The following SCN9A variants were observed in gnomAD, a reference collection of about 807,000 sequenced individuals.
SCN9A encodes the protein sodium channel protein type 9 subunit alpha.
Under a neutral mutation model 187.0 loss-of-function variants are expected in SCN9A, and 131 were observed. The observed-to-expected ratio is 0.70, with a 90% CI of 0.61 to 0.81. The LOEUF is 0.81. SCN9A is among the 30% of genes least tolerant of loss of function. SCN9A has a pLI of 0.00. For synonymous variants in SCN9A, 809 were observed against 808.6 expected (o/e 1.00, Z -0.01); for missense variants, 2,252 against 2,396.6 (o/e 0.94, Z 1.26).
intron 18 of SCN9A, among the ~76,000 whole-genome samples, chr2:166,245,057 G>A (rs1488988391): frequency 6.6e-6 from 1 of 152,012 alleles, no homozygotes; most frequent in Non-Finnish European, 1.5e-5. Flanking sequence ...TGATGAATGA[G>A]TAAAGTTCTG....
In SCN9A at chr2:166,357,461, T is replaced by C. The variant is rs57275972; in HGVS notation, c.-51+18236A>G. Among the ~76,000 whole-genome samples, 1,430 of 152,228 alleles carry C rather than the reference T, an allele frequency of 9.4e-3. 24 individuals are homozygous for C. The highest frequency in any genetic ancestry group is 0.031 in the African/African-American group (1,301 of 41,532). ...CAGCTGAGATTGCTTAGAACCAAGA[T>C]AGTTGACTAAAGGACTTCAAGAAGA... On this transcript the variant is annotated intron_variant, in intron 1 of 26. Coordinates refer to ENST00000642356, the MANE Select transcript of SCN9A (RefSeq NM_001365536.1).
intron 18 of SCN9A, among the ~76,000 whole-genome samples, chr2:166,246,577 A>T (rs183536168): frequency 6.6e-6 from 1 of 152,152 alleles, no homozygotes; most frequent in Non-Finnish European, 1.5e-5. Flanking sequence ...AATGAGATGA[A>T]TTTTTTAATA....
intron 1 of SCN9A, among the ~76,000 whole-genome samples, chr2:166,315,129 A>G (rs1699077014): frequency 6.6e-6 from 1 of 152,226 alleles, no homozygotes; most frequent in African/African-American, 2.4e-5. Flanking sequence ...AGATTCCTCA[A>G]CACTTTTGGA....
intron 1 of SCN9A, among the ~76,000 whole-genome samples, chr2:166,330,848 C>T (rs1699484701): frequency 6.6e-6 from 1 of 152,142 alleles, no homozygotes; most frequent in Non-Finnish European, 1.5e-5. Context: ...CTGCTCACCT[C>T]CTGCTGTGCA....
In SCN9A at chr2:166,227,285, T is replaced by C. The variant is rs139755580; in HGVS notation, c.4260+385A>G. 9.7e-3 allele frequency among the ~76,000 whole-genome samples: 1,483 copies of C among 152,298 alleles called. 28 individuals are homozygous for C. The highest frequency in any genetic ancestry group is 0.033 in the African/African-American group (1,369 of 41,558). On this transcript the variant is annotated intron_variant, in intron 23 of 26. Transcript: ENST00000642356. ...CGCATATTTACTGAGCATTTAGTAA[T>C]GCCAGCCTGCACTAAGTGCCCTGCT...
chr2:166,198,828 A>G lies in SCN9A; in HGVS notation c.5811T>C (p.Val1937=). 4 of 1,613,454 alleles carry G rather than the reference A, an allele frequency of 2.5e-6. No individual in the cohort carries two copies. The highest frequency in any genetic ancestry group is 3.4e-6 in the Non-Finnish European group (4 of 1,179,550). The stretch of plus-strand genomic sequence containing the variant: ...TTTTTTCTGGACTTGAGTTCTCATT[A>G]ACATTATCAAAAGCCATATCTTTTT... ...LNKKDMAFDN[V]NENSSPEKTD... is the part of the protein sequence containing the mutation. Residue 1937 remains valine, a synonymous_variant, in exon 27 of 27, where the codon GTT becomes GTC. Coordinates refer to ENST00000642356, the MANE Select transcript of SCN9A (RefSeq NM_001365536.1).
At chr2:166,305,120 G>A (rs1354315139) in intron 5 of SCN9A, among the ~76,000 whole-genome samples, 1 of 152,010 alleles carries the variant, frequency 6.6e-6, no homozygotes, top group African/African-American at 2.4e-5. Flanking sequence ...TGTCTAGGTG[G>A]CTCCAGTGAA....
At chr2:166,286,722 G>T in intron 10 of SCN9A, 99 bp from the exon 11 acceptor site, 1 of 853,718 alleles carries the variant, frequency 1.2e-6, no homozygotes, top group Non-Finnish European at 1.7e-6. Context: ...ACAACATGGT[G>T]CATATAATCA....
Position 166,325,041 on chromosome 2 carries a change from A to G in SCN9A, c.-50-13235T>C, listed in dbSNP as rs139562000. Among the ~76,000 whole-genome samples the G allele has an allele frequency of 6.2e-3, 937 of 152,296 alleles. 8 individuals carry two copies. Among genetic ancestry groups the G allele is most frequent in the African/African-American group, 0.021 (872 of 41,572 alleles). On this transcript the variant is annotated intron_variant, in intron 1 of 26. Coordinates refer to ENST00000642356, the MANE Select transcript of SCN9A (RefSeq NM_001365536.1). ...CATACTAATATAAACTGTTAATAAC[A>G]GGGGAAACTGGATGTGGGGTATATT...
At chr2:166,320,040 A>G (rs1049578942) in intron 1 of SCN9A, among the ~76,000 whole-genome samples, 2 of 152,184 alleles carry the variant, frequency 1.3e-5, no homozygotes, top group Non-Finnish European at 2.9e-5. Flanking sequence ...AATAAAATAA[A>G]TTCCTCATTT....
intron 2 of SCN9A, among the ~76,000 whole-genome samples, chr2:166,309,226 A>T (rs1574910248): frequency 6.6e-6 from 1 of 152,118 alleles, no homozygotes; most frequent in African/African-American, 2.4e-5. Context: ...AACATACTAC[A>T]TAGTATTGGC....
intron 1 of SCN9A, among the ~76,000 whole-genome samples, chr2:166,370,043 C>T (rs866502086): frequency 2.6e-5 from 4 of 151,788 alleles, no homozygotes; most frequent in African/African-American, 7.3e-5. Context: ...TGAATATCTA[C>T]ATTTACTTCT....
chr2:166,201,530 A>C (rs1366247156), intron 26 of SCN9A, among the ~76,000 whole-genome samples: 1 of 20,410 alleles, frequency 4.9e-5, no homozygotes, highest in Non-Finnish European at 7.7e-5. Context: ...TATAGTATAG[A>C]GTATGCGTAT....
chr2:166,205,863 A>C (rs1219586115), intron 24 of SCN9A, among the ~76,000 whole-genome samples: 1 of 152,238 alleles, frequency 6.6e-6, no homozygotes, highest in Non-Finnish European at 1.5e-5. Context: ...GGATATGAAC[A>C]GGTACTTCTC....
At chr2:166,316,173 T>C (rs572354221) in intron 1 of SCN9A, among the ~76,000 whole-genome samples, 2 of 152,284 alleles carry the variant, frequency 1.3e-5, no homozygotes, top group South Asian at 2.1e-4. Flanking sequence ...GATATTAATA[T>C]ATCTCATAAA....
chr2:166,282,543 T>C (rs1697536213), intron 12 of SCN9A, among the ~76,000 whole-genome samples: 1 of 152,150 alleles, frequency 6.6e-6, no homozygotes, highest in African/African-American at 2.4e-5. Flanking sequence ...TAAAACACTA[T>C]GTTGGTTCCA....
chr2:166,273,051 T>G lies in SCN9A; in HGVS notation c.2875-176A>C, dbSNP rs1697074558. 5.3e-5 allele frequency among the ~76,000 whole-genome samples: 8 copies of G among 152,030 alleles called. No individual in the cohort carries two copies. The South Asian group carries it at 1.7e-3, about 32-fold the overall frequency. ...GAGAGAGACAGAGGCGAGGGTAGAC[T>G]CCTCATCACTGTATCCCTAGACTAG... is the stretch of plus-strand genomic sequence containing the variant. On this transcript the variant is annotated intron_variant, in intron 16 of 26. Coordinates refer to ENST00000642356, the MANE Select transcript of SCN9A (RefSeq NM_001365536.1).
chr2:166,250,156 T>G (rs1695972798), intron 18 of SCN9A, among the ~76,000 whole-genome samples: 1 of 152,134 alleles, frequency 6.6e-6, no homozygotes, highest in Admixed American at 6.6e-5. Flanking sequence ...GATGTCTTTA[T>G]TTTCCAATCA....
At chr2:166,359,972 A>C (rs1224260838) in intron 1 of SCN9A, among the ~76,000 whole-genome samples, 1 of 151,924 alleles carries the variant, frequency 6.6e-6, no homozygotes, top group Non-Finnish European at 1.5e-5. Context: ...CTATAATCCC[A>C]GCACTTTGGG....
Sources: allele counts gnomAD v4.1 joint callset (sites outside exome capture counted in the v4.1 genomes callset), GRCh38; gene constraint gnomAD v4.1.1; transcripts MANE v1.5; gene names NCBI Gene and HGNC (gene_info 2026-07-23, HGNC 2026-07-21).